The following PRKCA variants were observed in gnomAD, a reference collection of about 807,000 sequenced individuals.
PRKCA encodes the protein protein kinase C alpha type.
A neutral mutation model predicts 87.0 loss-of-function variants in PRKCA; 27 were observed. The observed-to-expected ratio is 0.31, with a 90% CI of 0.23 to 0.43. PRKCA has a LOEUF of 0.43. Ranked by LOEUF, PRKCA falls within the 20% of genes least tolerant of loss-of-function variation. The pLI is 1.00. For missense variants in PRKCA, 518 were observed against 852.3 expected (o/e 0.61, Z 4.88); for synonymous variants, 329 against 311.1 (o/e 1.06, Z -0.61).
At chr17:66,617,959 A>G (rs1382967315) in intron 3 of PRKCA, among the ~76,000 whole-genome samples, 1 of 152,174 alleles carries the variant, frequency 6.6e-6, no homozygotes, top group East Asian at 1.9e-4. Context: ...TAGTTGCCCC[A>G]ACGTGGTGCC....
In PRKCA at chr17:66,778,905, G is replaced by C. The variant is rs553977119; in HGVS notation, c.1605+4838G>C. Reference sequence around the variant, plus strand: ...CACTCCACATTCTGGTGCAATGGCAGGCACAGATAACAGCCTTTGTTCCTC... The same window carrying C: ...CACTCCACATTCTGGTGCAATGGCACGCACAGATAACAGCCTTTGTTCCTC... On this transcript the variant is annotated intron_variant, in intron 14 of 16. Transcript: ENST00000413366. Among the ~76,000 whole-genome samples, 3 of 151,450 alleles carry C rather than the reference G, an allele frequency of 2.0e-5. No individual in the cohort carries two copies. The South Asian group carries it at 6.3e-4, about 32-fold the overall frequency.
chr17:66,775,120 G>C, intron 14 of PRKCA: 1 of 985,322 alleles, frequency 1.0e-6, no homozygotes, highest in Middle Eastern at 5.2e-4. Flanking sequence ...CCTACAAGAT[G>C]GTGGTGCTGA....
intron 3 of PRKCA, among the ~76,000 whole-genome samples, chr17:66,580,002 A>G (rs568195823): frequency 6.6e-6 from 1 of 152,266 alleles, no homozygotes; most frequent in African/African-American, 2.4e-5. Context: ...GAGATCCTCA[A>G]GATCAGGGGA....
chr17:66,440,496 T>G (rs71379971), intron 2 of PRKCA, among the ~76,000 whole-genome samples: 5,157 of 152,250 alleles, frequency 0.034, 264 homozygotes, highest in East Asian at 0.27. Context: ...CCCCTGCCCC[T>G]TCAGAGCTTA....
At chr17:66,666,655 A>G (rs550229560) in intron 5 of PRKCA, among the ~76,000 whole-genome samples, 3 of 152,322 alleles carry the variant, frequency 2.0e-5, no homozygotes, top group African/African-American at 7.2e-5. Context: ...ATTTCAACAG[A>G]TGTTATATAA....
At chr17:66,404,703 C>CAA (rs1911244774) in intron 2 of PRKCA, among the ~76,000 whole-genome samples, 1 of 150,336 alleles carries the variant, frequency 6.7e-6, no homozygotes, top group Non-Finnish European at 1.5e-5. Flanking sequence ...GTCTCTGTTC[C>CAA]ACACACTCCC....
At chr17:66,649,874 G>C (rs142618136) in intron 5 of PRKCA, among the ~76,000 whole-genome samples, 45 of 152,300 alleles carry the variant, frequency 3.0e-4, no homozygotes, top group African/African-American at 1.0e-3. Context: ...TGGGGAAGGG[G>C]ACAGAGAGGG....
At chr17:66,507,471 C>T (rs142216315) in intron 3 of PRKCA, among the ~76,000 whole-genome samples, 14 of 152,284 alleles carry the variant, frequency 9.2e-5, no homozygotes, top group Admixed American at 3.3e-4. Context: ...AGTCTGGGGT[C>T]ATTGTGACTA....
chr17:66,483,912 G>A (rs1396417274), intron 2 of PRKCA, among the ~76,000 whole-genome samples: 2 of 152,020 alleles, frequency 1.3e-5, no homozygotes, highest in Admixed American at 6.6e-5. Flanking sequence ...ACATCAACAT[G>A]AATTTTATGG....
intron 3 of PRKCA, among the ~76,000 whole-genome samples, chr17:66,591,770 G>A (rs931158761): frequency 6.6e-5 from 10 of 152,180 alleles, no homozygotes. Flanking sequence ...TATGTCCAGA[G>A]CTGTCTCCCA....
At chr17:66,577,715 G>A (rs1462576287) in intron 3 of PRKCA, among the ~76,000 whole-genome samples, 1 of 151,802 alleles carries the variant, frequency 6.6e-6, no homozygotes, top group Non-Finnish European at 1.5e-5. Context: ...CTTTTTTATT[G>A]CGTCCATGTA....
At chr17:66,622,792 A>G (rs1199506232) in intron 3 of PRKCA, among the ~76,000 whole-genome samples, 1 of 152,198 alleles carries the variant, frequency 6.6e-6, no homozygotes, top group African/African-American at 2.4e-5. Context: ...GAAAGAATCA[A>G]AAGTGGAAAC....
intron 3 of PRKCA, among the ~76,000 whole-genome samples, chr17:66,629,326 A>T (rs1970945125): frequency 6.6e-6 from 1 of 152,224 alleles, no homozygotes; most frequent in Non-Finnish European, 1.5e-5. Flanking sequence ...CATGACAAAA[A>T]TGAGTGCAGA....
At chr17:66,368,511 C>T in intron 2 of PRKCA, among the ~76,000 whole-genome samples, 1 of 149,874 alleles carries the variant, frequency 6.7e-6, no homozygotes, top group Non-Finnish European at 1.5e-5. Context: ...CCACCTCAGC[C>T]TCCTGAGTAG....
intron 2 of PRKCA, chr17:66,412,679 A>G (rs1400099609): frequency 1.3e-5 from 2 of 152,084 alleles, no homozygotes; most frequent in Non-Finnish European, 2.9e-5. Context: ...AGCGCTTTTG[A>G]CTTACTTTAG....
Position 66,458,683 on chromosome 17 carries a change from G to A in PRKCA, c.206-37518G>A, listed in dbSNP as rs1914693058. ...TTTAGTAGAGGTGGGGTTTCACCAT[G>A]TTGGCCAGGTTGGTCTCAAACTCCT... On this transcript the variant is annotated intron_variant, in intron 2 of 16. Transcript: ENST00000413366. Among the ~76,000 whole-genome samples, 4 of 152,176 alleles carry A rather than the reference G, an allele frequency of 2.6e-5. No individual in the cohort carries two copies. In the South Asian group the frequency reaches 8.3e-4, roughly 32 times the overall value.
chr17:66,588,483 C>A (rs1272264095), intron 3 of PRKCA, among the ~76,000 whole-genome samples: 2 of 152,072 alleles, frequency 1.3e-5, no homozygotes, highest in Non-Finnish European at 2.9e-5. Flanking sequence ...AGCATTCAAC[C>A]TTTAATAGAA....
At chr17:66,719,173 A>G (rs1464514689) in intron 8 of PRKCA, among the ~76,000 whole-genome samples, 1 of 152,222 alleles carries the variant, frequency 6.6e-6, no homozygotes, top group Non-Finnish European at 1.5e-5. Flanking sequence ...GTCATTGAAA[A>G]CAGAACTAGG....
chr17:66,348,485 T>A (rs531759719), intron 2 of PRKCA, among the ~76,000 whole-genome samples: 1 of 152,218 alleles, frequency 6.6e-6, no homozygotes, highest in East Asian at 1.9e-4. Flanking sequence ...ATTAAAGTGG[T>A]TTGATCATGA....
Sources: gnomAD v4.1 joint callset for allele counts (sites outside exome capture counted in the v4.1 genomes callset) on GRCh38, gnomAD v4.1.1 for gene constraint, MANE v1.5 for transcripts, NCBI Gene and HGNC (gene_info 2026-07-23, HGNC 2026-07-21) for gene names.